PRIM2: variants seen among roughly 807,000 people sequenced by gnomAD.
PRIM2 encodes DNA primase large subunit.
Under a neutral mutation model 67.3 loss-of-function variants are expected in PRIM2, and 39 were observed. The ratio of observed to expected loss-of-function variants is 0.58; its 90% CI spans 0.45 to 0.76. The LOEUF (loss-of-function observed/expected upper bound fraction) is 0.76, where lower values mean the gene tolerates loss of function less well. Among genes scored for constraint, PRIM2 ranks in the 30% least tolerant of loss-of-function variants. The pLI is 0.00. For missense variants in PRIM2, 398 were observed against 598.7 expected (o/e 0.66, Z 3.50); for synonymous variants, 143 against 198.7 (o/e 0.72, Z 2.36).
the PRIM2 span, among the ~76,000 whole-genome samples, chr6:57,281,085 A>G: frequency 5.9e-5 from 9 of 152,162 alleles, no homozygotes; most frequent in Non-Finnish European, 1.3e-4. Context: ...ACTTAACATC[A>G]TGGCCTCCAG....
At chr6:57,545,301 A>C (rs1466263789) in intron 10 of PRIM2, among the ~76,000 whole-genome samples, 1 of 152,104 alleles carries the variant, frequency 6.6e-6, no homozygotes, top group Non-Finnish European at 1.5e-5. Context: ...ACATATGTAC[A>C]TATTCCATCT....
intron 12 of PRIM2, among the ~76,000 whole-genome samples, chr6:57,625,935 G>A (rs1176212669): frequency 1.3e-5 from 2 of 152,150 alleles, no homozygotes; most frequent in Non-Finnish European, 2.9e-5. Flanking sequence ...TGCAAGACTT[G>A]GCATCTCCAC....
intron 7 of PRIM2, among the ~76,000 whole-genome samples, chr6:57,447,241 T>C (rs542537594): frequency 1.3e-5 from 2 of 152,370 alleles, no homozygotes; most frequent in South Asian, 2.1e-4. Flanking sequence ...TATTTTTAGA[T>C]GTATGAGTGC....
chr6:57,288,538 C>T, the PRIM2 span, among the ~76,000 whole-genome samples: 3 of 152,148 alleles, frequency 2.0e-5, no homozygotes, highest in Admixed American at 2.0e-4. Context: ...AGATACCTCC[C>T]AATAGGGGCA....
At chr6:57,403,551 C>G (rs1420988251) in intron 7 of PRIM2, among the ~76,000 whole-genome samples, 1 of 151,980 alleles carries the variant, frequency 6.6e-6, no homozygotes, top group African/African-American at 2.4e-5. Flanking sequence ...TGTAAGCCAC[C>G]GCGCCTGGCC....
At chr6:57,398,734 T>C (rs2127353346) in intron 7 of PRIM2, among the ~76,000 whole-genome samples, 1 of 152,292 alleles carries the variant, frequency 6.6e-6, no homozygotes, top group Non-Finnish European at 1.5e-5. Flanking sequence ...TGTCTAATAC[T>C]GTTGGTGGAA....
At chr6:57,532,588 C>T in intron 9 of PRIM2, 105 bp downstream of exon 9, 1 of 416,234 alleles carries the variant, frequency 2.4e-6, no homozygotes, top group Non-Finnish European at 4.2e-6. Flanking sequence ...TATTTCACTG[C>T]TTGCTGATTA....
At chr6:57,438,648 A>C (rs73749698) in intron 7 of PRIM2, among the ~76,000 whole-genome samples, 11 of 152,232 alleles carry the variant, frequency 7.2e-5, no homozygotes, top group Admixed American at 3.3e-4. Context: ...TATGGAGTCT[A>C]TTTAAAGACA....
the PRIM2 span, among the ~76,000 whole-genome samples, chr6:57,259,310 G>C: frequency 6.6e-6 from 1 of 151,950 alleles, no homozygotes; most frequent in South Asian, 2.1e-4. Flanking sequence ...TAGGTGGCTG[G>C]GGTAGCTCTG....
intron 10 of PRIM2, among the ~76,000 whole-genome samples, chr6:57,574,280 G>T (rs1775921302): frequency 6.6e-6 from 1 of 152,170 alleles, no homozygotes; most frequent in Admixed American, 6.5e-5. Flanking sequence ...GACCTCTAGA[G>T]GGTACTTAAA....
chr6:57,576,770 A>G (rs1248239059), intron 10 of PRIM2, among the ~76,000 whole-genome samples: 1 of 144,182 alleles, frequency 6.9e-6, no homozygotes, highest in African/African-American at 2.7e-5. Context: ...ATGTAGGTAA[A>G]TGGTTTAATG....
At chr6:57,432,670 C>G (rs746871237) in intron 7 of PRIM2, among the ~76,000 whole-genome samples, 2 of 152,168 alleles carry the variant, frequency 1.3e-5, no homozygotes, top group Non-Finnish European at 2.9e-5. Flanking sequence ...TTAACATGAT[C>G]ATATGTTCAG....
chr6:57,376,009 C>T (rs1372761126), intron 5 of PRIM2, among the ~76,000 whole-genome samples: 11 of 152,032 alleles, frequency 7.2e-5, no homozygotes, highest in Middle Eastern at 3.4e-3. Context: ...GAGTTCAAGA[C>T]CAGCCTGAGC....
the PRIM2 span, among the ~76,000 whole-genome samples, chr6:57,252,133 CTT>C: frequency 6.6e-6 from 1 of 152,168 alleles, no homozygotes; most frequent in South Asian, 2.1e-4. Context: ...TATTCAAAAA[CTT>C]AATAATCTCT....
chr6:57,504,305 A>G (rs1324895417), intron 7 of PRIM2, among the ~76,000 whole-genome samples: 6 of 152,200 alleles, frequency 3.9e-5, no homozygotes, highest in Non-Finnish European at 8.8e-5. Flanking sequence ...ATTTATTGGC[A>G]TTTAATGGAG....
At chr6:57,417,691 A>G (rs1771313886) in intron 7 of PRIM2, among the ~76,000 whole-genome samples, 2 of 152,214 alleles carry the variant, frequency 1.3e-5, no homozygotes, top group African/African-American at 4.8e-5. Context: ...CTGATCATAG[A>G]TCACCATAAC....
upstream of PRIM2, chr6:57,314,656 T>C (rs986736268): frequency 2.0e-5 from 3 of 152,256 alleles, no homozygotes; most frequent in Non-Finnish European, 2.9e-5. Flanking sequence ...TATGGTTCAG[T>C]GGAAGTAAAA....
At chr6:57,442,262 T>C (rs937615953) in intron 7 of PRIM2, among the ~76,000 whole-genome samples, 22 of 152,222 alleles carry the variant, frequency 1.4e-4, no homozygotes, top group Non-Finnish European at 2.6e-4. Context: ...CTGAGTGGGA[T>C]GAACTCTTAG....
chr6:57,246,805 A>G, the PRIM2 span, among the ~76,000 whole-genome samples: 2 of 151,742 alleles, frequency 1.3e-5, no homozygotes, highest in African/African-American at 4.8e-5. Context: ...ATCTGCCCAT[A>G]GAGTACTCAT....
Sources: gnomAD v4.1 joint callset for allele counts (sites outside exome capture counted in the v4.1 genomes callset) on GRCh38, gnomAD v4.1.1 for gene constraint, MANE v1.5 for transcripts, NCBI Gene and HGNC (gene_info 2026-07-23, HGNC 2026-07-21) for gene names.